Variants in ADAM10 observed in about 807,000 individuals in gnomAD.
The protein encoded by ADAM10 is disintegrin and metalloproteinase domain-containing protein 10.
In ADAM10, 17 loss-of-function variants were observed where a neutral mutation model predicts 90.1. The ratio of observed to expected loss-of-function variants is 0.19; its 90% confidence interval spans 0.13 to 0.28. ADAM10 has a LOEUF of 0.28. Ranked by LOEUF, ADAM10 falls within the 10% of genes least tolerant of loss-of-function variation. ADAM10 has a pLI of 1.00. For missense variants in ADAM10, 610 were observed against 914.3 expected, an observed-to-expected ratio of 0.67 and a Z score of 4.29; for synonymous variants, 310 against 298.6, an observed-to-expected ratio of 1.04 and a Z score of -0.40.
intron 5 of ADAM10, among the ~76,000 whole-genome samples, chr15:58,656,379 C>T (rs933711456): frequency 6.6e-6 from 1 of 151,768 alleles, no homozygotes; most frequent in African/African-American, 2.4e-5. Context: ...GGTTGTTTTG[C>T]GGCCTTCTCT....
intron 5 of ADAM10, among the ~76,000 whole-genome samples, chr15:58,647,246 G>GTCTTTT (rs1323960397): frequency 6.0e-4 from 22 of 36,848 alleles, no homozygotes; most frequent in African/African-American, 1.4e-3. Flanking sequence ...TAGACACTAA[G>GTCTTTT]TATTTTTTTT....
chr15:58,615,276 GAA>G (rs35628107), intron 11 of ADAM10, among the ~76,000 whole-genome samples: 4,205 of 84,820 alleles, frequency 0.05, 48 homozygotes, highest in African/African-American at 0.07. Context: ...TCCGTCTGAA[GAA>G]AAAAAAAAAA....
intron 2 of ADAM10, among the ~76,000 whole-genome samples, chr15:58,716,265 A>G (rs1266598645): frequency 2.0e-5 from 3 of 152,220 alleles, no homozygotes; most frequent in African/African-American, 4.8e-5. Flanking sequence ...ATAATGGATA[A>G]TACCAAATAG....
intron 1 of ADAM10, 39 bp downstream of exon 1, chr15:58,749,441 G>C: frequency 4.0e-6 from 6 of 1,518,518 alleles, no homozygotes; most frequent in Non-Finnish European, 4.4e-6. Context: ...CCGCTCCGCC[G>C]TGGTCGCGGC....
chr15:58,657,006 A>T (rs1331179203), intron 5 of ADAM10, among the ~76,000 whole-genome samples: 1 of 152,218 alleles, frequency 6.6e-6, no homozygotes, highest in Non-Finnish European at 1.5e-5. Flanking sequence ...CACTTTAAAC[A>T]TGTCATGCCA....
intron 10 of ADAM10, among the ~76,000 whole-genome samples, 165 bp downstream of exon 10, chr15:58,627,535 T>C (rs1281354157): frequency 6.6e-6 from 1 of 152,090 alleles, no homozygotes; most frequent in African/African-American, 2.4e-5. Flanking sequence ...AAACATGAAT[T>C]GAGAGATGGC....
At chr15:58,723,479 G>GT (rs1412619216) in intron 1 of ADAM10, among the ~76,000 whole-genome samples, 1 of 152,120 alleles carries the variant, frequency 6.6e-6, no homozygotes, top group Non-Finnish European at 1.5e-5. Flanking sequence ...GAGGTCAGGA[G>GT]TTTGAGACCA....
intron 1 of ADAM10, 147 bp from the exon 2 acceptor site, chr15:58,717,874 CATAT>C: frequency 8.2e-7 from 1 of 1,224,810 alleles, no homozygotes; most frequent in Non-Finnish European, 1.1e-6. Flanking sequence ...AATATTAACA[CATAT>C]ATTATTAAAA....
At chr15:58,599,138 C>T (rs770966181) in intron 15 of ADAM10, among the ~76,000 whole-genome samples, 24 of 115,048 alleles carry the variant, frequency 2.1e-4, no homozygotes, top group Non-Finnish European at 3.4e-4. Context: ...GCCTGGGCAA[C>T]ACAGTGAGAG....
At chr15:58,643,748 A>C (rs182203905) in intron 7 of ADAM10, 138 bp downstream of exon 7, 55 of 708,728 alleles carry the variant, frequency 7.8e-5, no homozygotes, top group Non-Finnish European at 1.2e-4. Context: ...AGGAGTAAAA[A>C]ACTGCATCAA....
chr15:58,717,044 T>C (rs973009717), intron 2 of ADAM10, among the ~76,000 whole-genome samples: 3 of 152,112 alleles, frequency 2.0e-5, no homozygotes, highest in Non-Finnish European at 4.4e-5. Context: ...AAAATGCATA[T>C]AAAGCATCTA....
At chr15:58,658,708 ATT>A (rs1338186219) in intron 5 of ADAM10, among the ~76,000 whole-genome samples, 3 of 152,138 alleles carry the variant, frequency 2.0e-5, no homozygotes, top group African/African-American at 7.2e-5. Context: ...TCTTGCACAT[ATT>A]TTGTTAAATT....
chr15:58,743,127 T>A (rs1051732763), intron 1 of ADAM10, among the ~76,000 whole-genome samples: 1 of 152,084 alleles, frequency 6.6e-6, no homozygotes, highest in Admixed American at 6.6e-5. Flanking sequence ...GCTGCCCGTG[T>A]AAAAACCAAA....
intron 2 of ADAM10, among the ~76,000 whole-genome samples, chr15:58,688,498 C>A (rs1229101753): frequency 2.0e-5 from 3 of 150,386 alleles, no homozygotes; most frequent in Non-Finnish European, 4.4e-5. Context: ...AGAAATGTGA[C>A]AAAGAAGAAG....
At chr15:58,602,603 T>C (rs1361744672) in intron 14 of ADAM10, among the ~76,000 whole-genome samples, 1 of 152,140 alleles carries the variant, frequency 6.6e-6, no homozygotes, top group Non-Finnish European at 1.5e-5. Flanking sequence ...GAAAGAGATA[T>C]ATACATACGT....
intron 2 of ADAM10, among the ~76,000 whole-genome samples, chr15:58,710,396 G>C (rs1417867674): frequency 6.6e-6 from 1 of 152,110 alleles, no homozygotes; most frequent in African/African-American, 2.4e-5. Context: ...GTTACTTTTA[G>C]TCATACAAAA....
Position 58,646,082 on chromosome 15 carries a change from G to GT in ADAM10, c.707dup (p.Tyr236Ter). 6.2e-7 allele frequency: 1 copy of GT among 1,613,506 alleles called. No homozygotes were observed. Among genetic ancestry groups the GT allele is most frequent in the Non-Finnish European group, 8.5e-7 (1 of 1,179,674 alleles). ...IQTDHLFFKY[Y>*]GTREAVIAQI... The stretch of plus-strand genomic sequence containing the variant: ...GGGCAATCACAGCTTCTCGTGTTCC[G>GT]TAATATTTAAAGAACAAATGATCAG... The change falls in exon 6 of 16, where the codon TAC becomes TAAC. Residue 236 changes from tyrosine (Y) to a stop codon, truncating the protein, a stop_gained and frameshift_variant. Transcript: ENST00000260408. LOFTEE classifies it high-confidence loss of function.
chr15:58,643,517 A>G (rs1896468950), intron 7 of ADAM10, among the ~76,000 whole-genome samples: 1 of 152,212 alleles, frequency 6.6e-6, no homozygotes, highest in Admixed American at 6.5e-5. Flanking sequence ...ATACAGTGAA[A>G]AACACTGCAC....
At chr15:58,642,639 C>G (rs1248210564) in intron 7 of ADAM10, among the ~76,000 whole-genome samples, 1 of 152,112 alleles carries the variant, frequency 6.6e-6, no homozygotes, top group African/African-American at 2.4e-5. Context: ...ACATCATTTA[C>G]TTATATACAT....
Sources: gnomAD v4.1 joint callset for allele counts (sites outside exome capture counted in the v4.1 genomes callset) on GRCh38, gnomAD v4.1.1 for gene constraint, MANE v1.5 for transcripts, NCBI Gene and HGNC (gene_info 2026-07-23, HGNC 2026-07-21) for gene names.